OSTC: variants seen among roughly 807,000 people sequenced by gnomAD.
OSTC encodes oligosaccharyltransferase complex non-catalytic subunit, also known as oligosaccharyltransferase complex subunit OSTC.
A neutral mutation model predicts 16.4 loss-of-function variants in OSTC; 16 were observed. The observed-to-expected ratio is 0.98, with a 90% CI of 0.66 to 1.49. The LOEUF (loss-of-function observed/expected upper bound fraction) is 1.49. Ranked by LOEUF, OSTC falls within the 40% of genes most tolerant of loss-of-function variation. The pLI, the probability that OSTC is intolerant of heterozygous loss-of-function variation, is 0.00. For missense variants in OSTC, 139 were observed against 186.3 expected (o/e 0.75, Z 1.48); for synonymous variants, 67 against 68.5 (o/e 0.98, Z 0.11).
At chr4:108,667,181 TATG>T (rs781583121) in intron 3 of OSTC, 63 bp from the exon 4 acceptor site, 1 of 1,345,876 alleles carries the variant, frequency 7.4e-7, no homozygotes, top group Non-Finnish European at 1.0e-6. Flanking sequence ...TTTGAAATAC[TATG>T]ATAATAAGAG....
intron 1 of OSTC, among the ~76,000 whole-genome samples, chr4:108,654,421 C>G (rs991925655): frequency 6.6e-5 from 10 of 152,204 alleles, no homozygotes; most frequent in Admixed American, 4.6e-4. Context: ...GGAGAGATAT[C>G]CAAAGGAATA....
intron 2 of OSTC, among the ~76,000 whole-genome samples, chr4:108,656,124 C>T (rs976922129): frequency 4.6e-5 from 7 of 151,944 alleles, no homozygotes; most frequent in African/African-American, 1.7e-4. Context: ...TGGACTATAC[C>T]CTGGTCTATA....
At chr4:108,661,279 C>A (rs189810792) in intron 3 of OSTC, among the ~76,000 whole-genome samples, 45 of 149,408 alleles carry the variant, frequency 3.0e-4, no homozygotes, top group Admixed American at 2.9e-3. Context: ...CATAGCAGTA[C>A]ATTTAAAAGG....
At chr4:108,650,978 CTGTCT>C in intron 1 of OSTC, 184 bp downstream of exon 1, 1 of 789,414 alleles carries the variant, frequency 1.3e-6, no homozygotes, top group Non-Finnish European at 2.0e-6. Flanking sequence ...CCTTCACGCC[CTGTCT>C]TAAGAGAATT....
chr4:108,664,539 A>G (rs1477992943), intron 3 of OSTC, among the ~76,000 whole-genome samples: 1 of 149,076 alleles, frequency 6.7e-6, no homozygotes, highest in Non-Finnish European at 1.5e-5. Flanking sequence ...ATAGTAGCAA[A>G]TTTATGTGAG....
Position 108,650,661 on chromosome 4 carries a change from G to C in OSTC, c.6G>C (p.Glu2Asp). Residue 2 changes from glutamate (E) to aspartate (D), a missense_variant, in exon 1 of 4, where the codon GAG becomes GAC. Coordinates refer to ENST00000361564, the MANE Select transcript of OSTC (RefSeq NM_021227.4). ...CGGCCCTTGCTGCCACCAACATGGAGACTTTGTACCGTGTCCCGTTCTTAG... is the reference window on the plus strand; with the variant it reads ...CGGCCCTTGCTGCCACCAACATGGACACTTTGTACCGTGTCCCGTTCTTAG... M[E>D]TLYRVPFLVL... is the part of the protein sequence containing the mutation. The C allele has an allele frequency of 6.2e-7, 1 of 1,614,116 alleles. No individual in the cohort carries two copies. Among genetic ancestry groups the C allele is most frequent in the South Asian group, 1.1e-5 (1 of 91,078 alleles).
chr4:108,658,971 CTTTTTTTTTTT>C (rs766585998), intron 3 of OSTC, among the ~76,000 whole-genome samples: 3 of 83,910 alleles, frequency 3.6e-5, no homozygotes, highest in African/African-American at 1.6e-4. Flanking sequence ...GGCAGCAGCT[CTTTTTTTTTTT>C]TTTTTTTTTT....
intron 3 of OSTC, chr4:108,663,087 C>T (rs539944358): frequency 7.5e-6 from 3 of 400,104 alleles, no homozygotes; most frequent in Non-Finnish European, 1.5e-5. Context: ...AAGGTGTGCT[C>T]TCAATCATAA....
chr4:108,665,049 A>C (rs1726959852), intron 3 of OSTC, among the ~76,000 whole-genome samples: 1 of 152,090 alleles, frequency 6.6e-6, no homozygotes, highest in African/African-American at 2.4e-5. Flanking sequence ...TGTGAGTTCT[A>C]GGTTGATTGC....
At position 108,657,483 on chromosome 4, in the gene OSTC, A is replaced by G. The variant is rs1028341219; in HGVS notation, c.267A>G (p.Ala89=). Residue 89 remains alanine (A), a synonymous_variant, in exon 3 of 4, where the codon GCA becomes GCG. Coordinates refer to ENST00000361564, the MANE Select transcript of OSTC (RefSeq NM_021227.4). ...GACAATATATTATGGAAGGACTTGC[A>G]TCCAGCTTCCTATTTACAATGGGAG... ...VNGQYIMEGL[A]SSFLFTMGGL... 1 of 1,613,554 alleles carries G rather than the reference A, an allele frequency of 6.2e-7. No individual in the cohort carries two copies. The highest frequency in any genetic ancestry group is 8.5e-7 in the Non-Finnish European group (1 of 1,179,562).
chr4:108,663,177 C>T lies in OSTC; in HGVS notation c.432-4070C>T, dbSNP rs920268493. On this transcript the variant is annotated intron_variant, in intron 3 of 3. Transcript: ENST00000361564. ...TCTGTTTCAAGTTAGATTATGGCCACAGTTTCAAAAATAAATGAATAAACC... is the reference window on the plus strand; with the variant it reads ...TCTGTTTCAAGTTAGATTATGGCCATAGTTTCAAAAATAAATGAATAAACC... The T allele has an allele frequency of 3.7e-5, 17 of 455,540 alleles. No individual in the cohort carries two copies. In the Admixed American group the frequency reaches 3.8e-4, roughly 10 times the overall value. The allele number at this position is 455,540 out of a possible 1,614,324, so 28.2% of individuals were successfully genotyped here.
intron 1 of OSTC, chr4:108,651,173 A>G (rs1726530748): frequency 2.7e-5 from 6 of 219,776 alleles, no homozygotes; most frequent in Non-Finnish European, 1.9e-5. Context: ...GTTGTTTGAT[A>G]AAGGTCCTGG....
chr4:108,663,349 C>G (rs1422826131), intron 3 of OSTC: 1 of 365,150 alleles, frequency 2.7e-6, no homozygotes, highest in Admixed American at 3.7e-5. Context: ...GTAGCTGGGA[C>G]TACAGGCGCC....
At position 108,650,663 on chromosome 4, in the gene OSTC, C is replaced by G; in HGVS notation, c.8C>G (p.Thr3Ser). ME[T>S]LYRVPFLVLE... ...GCCCTTGCTGCCACCAACATGGAGA[C>G]TTTGTACCGTGTCCCGTTCTTAGTG... is the stretch of plus-strand genomic sequence containing the variant. The change falls in exon 1 of 4, where the codon ACT (threonine) becomes AGT (serine). Residue 3 changes from threonine to serine, a missense_variant. Transcript: ENST00000361564. The G allele has an allele frequency of 1.2e-6, 2 of 1,614,076 alleles. No homozygotes were observed. Among genetic ancestry groups the G allele is most frequent in the East Asian group, 2.2e-5 (1 of 44,864 alleles).
At chr4:108,665,448 T>C (rs1270562037) in intron 3 of OSTC, among the ~76,000 whole-genome samples, 2 of 149,908 alleles carry the variant, frequency 1.3e-5, no homozygotes, top group African/African-American at 4.9e-5. Context: ...TGTAAACCTT[T>C]TTTTTTTTTT....
Position 108,667,492 on chromosome 4 carries a change from A to T in OSTC, c.*227A>T, listed in dbSNP as rs1366320420. 5.0e-6 allele frequency: 2 copies of T among 397,796 alleles called. No homozygotes were observed. Among genetic ancestry groups the T allele is most frequent in the Non-Finnish European group, 9.0e-6 (2 of 222,110 alleles). 24.6% of individuals were successfully genotyped at this position (397,796 alleles called of 1,614,324 possible). A position where few individuals can be genotyped will look rare whatever the true frequency, so the allele number is the denominator to read the frequency against. On this transcript the variant is annotated 3_prime_UTR_variant, in exon 4 of 4. Transcript: ENST00000361564. ...TTTTTTTTCCTGCTGGCCTATTGCT[A>T]TACCAATGATGTTGAGTGGCATTTT...
chr4:108,650,761 CTGG>C lies in OSTC; in HGVS notation c.115_117del (p.Val39del). On this transcript the variant is annotated inframe_deletion, in exon 1 of 4. Transcript: ENST00000361564. ...GCCGTCGGCCATGACTGTGTATGCT[CTGG>C]TGGTGGTGTCTTACTTCCTCATCAC... 1 of 1,614,192 alleles carries C rather than the reference CTGG, an allele frequency of 6.2e-7. No individual in the cohort carries two copies. The highest frequency in any genetic ancestry group is 8.5e-7 in the Non-Finnish European group (1 of 1,180,036).
At chr4:108,660,321 C>A (rs746912737) in intron 3 of OSTC, among the ~76,000 whole-genome samples, 29 of 152,162 alleles carry the variant, frequency 1.9e-4, no homozygotes, top group Non-Finnish European at 2.9e-4. Flanking sequence ...GGTTCCCTTT[C>A]TGATATCATT....
At chr4:108,655,530 T>C in intron 1 of OSTC, 34 bp from the exon 2 acceptor site, 1 of 1,315,616 alleles carries the variant, frequency 7.6e-7, no homozygotes, top group Non-Finnish European at 1.1e-6. Context: ...AAATTAGTAA[T>C]ACAATCTAAT....
Sources: gnomAD v4.1 joint callset for allele counts (sites outside exome capture counted in the v4.1 genomes callset) on GRCh38, gnomAD v4.1.1 for gene constraint, MANE v1.5 for transcripts, NCBI Gene and HGNC (gene_info 2026-07-23, HGNC 2026-07-21) for gene names.